TRAK1: variants seen among roughly 807,000 people sequenced by gnomAD.
TRAK1 encodes the protein trafficking kinesin-binding protein 1.
In TRAK1, 33 loss-of-function variants were observed where a neutral mutation model predicts 92.1. The observed-to-expected ratio is 0.36, with a 90% CI of 0.27 to 0.48. The LOEUF is 0.48. TRAK1 is among the 20% of genes least tolerant of loss of function. The probability of loss-of-function intolerance (pLI) is 0.99; values close to 1 mark genes in which losing one functional copy is unlikely to be tolerated. For synonymous variants in TRAK1, 521 were observed against 517.3 expected, an observed-to-expected ratio of 1.01 and a Z score of -0.10; for missense variants, 1,123 against 1,257.9, an observed-to-expected ratio of 0.89 and a Z score of 1.62.
chr3:42,138,254 A>G (rs1244485563), intron 2 of TRAK1, among the ~76,000 whole-genome samples: 3 of 152,208 alleles, frequency 2.0e-5, no homozygotes, highest in Non-Finnish European at 4.4e-5. Flanking sequence ...TAAGATATAG[A>G]TATGTACAAG....
In TRAK1 at chr3:42,223,679, C is replaced by T. The variant is rs566284554; in HGVS notation, c.2804C>T (p.Thr935Ile). The stretch of plus-strand genomic sequence containing the variant: ...AGCATGCAGATGAAAGCTCCTGTGA[C>T]TCTCACCTCGGGCATCTTGATGGGT... ...GSSMQMKAPV[T>I]LTSGILMGAK... The change falls in exon 16 of 16, where the codon ACT becomes ATT. Residue 935 changes from threonine (T) to isoleucine (I), a missense_variant. By Grantham distance (89) the Thr-to-Ile change is moderately conservative. Coordinates refer to ENST00000327628, the MANE Select transcript of TRAK1 (RefSeq NM_001042646.3). The surrounding 1 kb of genome is among the most constrained non-coding windows in gnomAD (Gnocchi z 6.1). The T allele has an allele frequency of 2.1e-5, 34 of 1,613,886 alleles. No homozygotes were observed. The highest frequency in any genetic ancestry group is 2.7e-5 in the Non-Finnish European group (32 of 1,179,912).
intron 2 of TRAK1, among the ~76,000 whole-genome samples, chr3:42,137,510 A>G (rs1469069395): frequency 3.3e-5 from 5 of 152,252 alleles, no homozygotes; most frequent in African/African-American, 7.2e-5. Flanking sequence ...CAGGAAGGTG[A>G]TGACTAAAGT....
intron 14 of TRAK1, 46 bp from the exon 15 acceptor site, chr3:42,219,448 G>A: frequency 6.2e-7 from 1 of 1,613,418 alleles, no homozygotes; most frequent in Non-Finnish European, 8.5e-7. Flanking sequence ...TTTTTATTGT[G>A]GTTGTACTTG....
At chr3:42,139,532 C>T (rs1384941567) in intron 2 of TRAK1, among the ~76,000 whole-genome samples, 3 of 152,100 alleles carry the variant, frequency 2.0e-5, no homozygotes, top group Admixed American at 6.6e-5. Context: ...GCACCAGGAG[C>T]CTTTCACAGT....
chr3:42,060,047 T>A (rs1703363652), intron 1 of TRAK1, among the ~76,000 whole-genome samples: 1 of 152,216 alleles, frequency 6.6e-6, no homozygotes, highest in Non-Finnish European at 1.5e-5. Flanking sequence ...TTAAAAAACA[T>A]TCTGTTTTTT....
intron 1 of TRAK1, among the ~76,000 whole-genome samples, chr3:42,109,104 A>T (rs1484763964): frequency 6.6e-6 from 1 of 152,218 alleles, no homozygotes; most frequent in African/African-American, 2.4e-5. Flanking sequence ...ATGTGGGTCT[A>T]GGTATTCAAC....
chr3:42,064,837 G>T (rs751833043), intron 1 of TRAK1, among the ~76,000 whole-genome samples: 1 of 152,068 alleles, frequency 6.6e-6, no homozygotes, highest in Non-Finnish European at 1.5e-5. Context: ...CAGATCACGA[G>T]GTCAGGAGAT....
upstream of TRAK1, among the ~76,000 whole-genome samples, chr3:42,086,397 C>A (rs1268124071): frequency 6.6e-6 from 1 of 151,342 alleles, no homozygotes; most frequent in Non-Finnish European, 1.5e-5. Context: ...CCTCTGCCTC[C>A]CCGGTTCAAG....
intron 2 of TRAK1, among the ~76,000 whole-genome samples, chr3:42,171,715 G>A (rs550468209): frequency 6.6e-6 from 1 of 152,136 alleles, no homozygotes; most frequent in Non-Finnish European, 1.5e-5. Context: ...TTTTCCTCGG[G>A]GTCTTCAATT....
intron 1 of TRAK1, among the ~76,000 whole-genome samples, chr3:42,121,308 G>A (rs960558472): frequency 6.8e-6 from 1 of 146,006 alleles, no homozygotes; most frequent in African/African-American, 2.6e-5. Flanking sequence ...CCCCCAGGCT[G>A]GAGTGCAGTG....
upstream of TRAK1, among the ~76,000 whole-genome samples, chr3:42,087,561 T>A (rs1159851607): frequency 2.0e-5 from 3 of 152,196 alleles, no homozygotes; most frequent in Non-Finnish European, 4.4e-5. Context: ...AGACCTCCAA[T>A]CCAGAACCTG....
In TRAK1 at chr3:42,194,830, A is replaced by G. The variant is rs758939739; in HGVS notation, c.1002A>G (p.Ala334=). 6.2e-7 allele frequency: 1 copy of G among 1,613,916 alleles called. No homozygotes were observed. Among genetic ancestry groups the G allele is most frequent in the Non-Finnish European group, 8.5e-7 (1 of 1,179,926 alleles). Residue 334 remains alanine (A), a synonymous_variant, in exon 10 of 16, where the codon GCA becomes GCG. Coordinates refer to ENST00000327628, the MANE Select transcript of TRAK1 (RefSeq NM_001042646.3). ...AELRELEDKY[A]ECMEMLHEAQ... The stretch of plus-strand genomic sequence containing the variant: ...TGCGTGAGCTGGAGGACAAGTACGC[A>G]GAGTGCATGGAGATGCTGCATGAGG...
At chr3:42,113,019 C>T (rs945139368) in intron 1 of TRAK1, among the ~76,000 whole-genome samples, 2 of 152,138 alleles carry the variant, frequency 1.3e-5, no homozygotes, top group African/African-American at 4.8e-5. Flanking sequence ...GATCCTCCTG[C>T]CTTGACCTCC....
At chr3:42,041,049 TTG>T (rs1210522227) in intron 1 of TRAK1, among the ~76,000 whole-genome samples, 1 of 144,110 alleles carries the variant, frequency 6.9e-6, no homozygotes, top group African/African-American at 2.9e-5. Flanking sequence ...AACTTTGTTG[TTG>T]TTTTTTTTTT....
chr3:42,210,343 G>T, intron 14 of TRAK1: 1 of 1,458,132 alleles, frequency 6.9e-7, no homozygotes, highest in Non-Finnish European at 9.0e-7. Flanking sequence ...TAGCTCCCCT[G>T]CCCATCTTGG....
chr3:42,209,164 GC>G (rs1708671562), intron 13 of TRAK1, among the ~76,000 whole-genome samples: 1 of 152,172 alleles, frequency 6.6e-6, no homozygotes, highest in South Asian at 2.1e-4. Flanking sequence ...TAACCCGGCA[GC>G]CTCTCAAAGT....
Position 42,149,556 on chromosome 3 carries a change from G to A in TRAK1, c.286+23942G>A, listed in dbSNP as rs965640700. On this transcript the variant is annotated intron_variant, in intron 2 of 15. Transcript: ENST00000327628. The stretch of plus-strand genomic sequence containing the variant: ...TGACTATGCAGAAATTTATCGAAGC[G>A]GATTATTATGAACTAGACTGGTATT... The A allele has an allele frequency of 1.7e-5, 26 of 1,535,912 alleles. No homozygotes were observed. The African/African-American group carries it at 1.8e-4, about 11-fold the overall frequency.
chr3:42,027,416 G>A (rs140889637), intron 1 of TRAK1, among the ~76,000 whole-genome samples: 1,679 of 151,966 alleles, frequency 0.011, 8 homozygotes, highest in Non-Finnish European at 0.016. Flanking sequence ...CCAGCTACTC[G>A]GGAGGCTGAG....
intron 1 of TRAK1, among the ~76,000 whole-genome samples, chr3:42,038,832 C>T (rs1188690422): frequency 9.1e-6 from 1 of 110,492 alleles, no homozygotes; most frequent in African/African-American, 3.9e-5. Flanking sequence ...TTGGTAGAGA[C>T]AGTCTCCCTA....
Sources: allele counts gnomAD v4.1 joint callset (sites outside exome capture counted in the v4.1 genomes callset), GRCh38; gene constraint gnomAD v4.1.1; non-coding constraint Gnocchi (gnomAD v3.1); transcripts MANE v1.5; gene names NCBI Gene and HGNC (gene_info 2026-07-23, HGNC 2026-07-21).